The following ZNF503 variants were observed in gnomAD, a reference collection of about 807,000 sequenced individuals.
The protein encoded by ZNF503 is zinc finger protein 503.
Under a neutral mutation model 34.4 loss-of-function variants are expected in ZNF503, and 15 were observed. The ratio of observed to expected loss-of-function variants is 0.44; its 90% CI spans 0.29 to 0.67. The LOEUF is 0.67. Among genes scored for constraint, ZNF503 ranks in the 30% least tolerant of loss-of-function variants. ZNF503 has a pLI of 0.13. For missense variants in ZNF503, 1,007 were observed against 926.8 expected, an observed-to-expected ratio of 1.09 and a Z score of -1.12; for synonymous variants, 580 against 456.8, an observed-to-expected ratio of 1.27 and a Z score of -3.44.
the ZNF503 span, among the ~76,000 whole-genome samples, chr10:75,340,870 G>A: frequency 6.6e-6 from 1 of 152,092 alleles, no homozygotes; most frequent in Admixed American, 6.5e-5. Flanking sequence ...CAAAGTGCTG[G>A]GATTACAGGC....
At chr10:75,401,882 G>A (rs369229080), upstream of ZNF503, 29 of 168,668 alleles carry the variant, frequency 1.7e-4, no homozygotes, top group East Asian at 2.1e-3. Flanking sequence ...GACGCGTCCC[G>A]CGCCGCCGCC....
the ZNF503 span, among the ~76,000 whole-genome samples, chr10:75,355,527 A>G: frequency 3.3e-5 from 5 of 152,138 alleles, no homozygotes; most frequent in Non-Finnish European, 7.4e-5. Flanking sequence ...TAGGAGGGTC[A>G]TGACTGAGTC....
At chr10:75,348,647 G>A in the ZNF503 span, among the ~76,000 whole-genome samples, 1 of 151,440 alleles carries the variant, frequency 6.6e-6, no homozygotes, top group Non-Finnish European at 1.5e-5. Flanking sequence ...CAGCAGCTGG[G>A]ACTACAGGTG....
the ZNF503 span, among the ~76,000 whole-genome samples, chr10:75,333,531 G>A: frequency 6.1e-5 from 4 of 65,984 alleles, no homozygotes; most frequent in Non-Finnish European, 8.9e-5. Context: ...CAGTAGGGGC[G>A]GCCGGGCAGA....
At chr10:75,381,256 C>T in the ZNF503 span, among the ~76,000 whole-genome samples, 2 of 152,144 alleles carry the variant, frequency 1.3e-5, no homozygotes, top group Non-Finnish European at 2.9e-5. Context: ...CAGGGTCTTG[C>T]TCTGTTGTCT....
chr10:75,295,364 G>A, the ZNF503 span, among the ~76,000 whole-genome samples: 15 of 152,160 alleles, frequency 9.9e-5, no homozygotes, highest in African/African-American at 2.4e-5. The surrounding 1 kb of genome is among the most constrained non-coding windows in gnomAD (Gnocchi z 4.0). Flanking sequence ...AGAGGTTGAG[G>A]GGGGGAAAAG....
chr10:75,341,788 A>C, the ZNF503 span, among the ~76,000 whole-genome samples: 1 of 152,196 alleles, frequency 6.6e-6, no homozygotes, highest in East Asian at 1.9e-4. Context: ...TTTTACTGCT[A>C]TTAATGATTT....
chr10:75,325,326 TA>T, the ZNF503 span, among the ~76,000 whole-genome samples: 781 of 112,328 alleles, frequency 7.0e-3, 7 homozygotes, highest in South Asian at 0.034. Context: ...CATATATATA[TA>T]TATTTTTTTT....
the ZNF503 span, among the ~76,000 whole-genome samples, chr10:75,307,068 G>T: frequency 1.3e-5 from 2 of 152,070 alleles, no homozygotes; most frequent in Admixed American, 1.3e-4. Context: ...CCAAGTGAAA[G>T]AAAGAGCCGC....
Position 75,399,336 on chromosome 10 carries a change from C to T in ZNF503, c.1354G>A (p.Ala452Thr), listed in dbSNP as rs766382072. The T allele has an allele frequency of 1.9e-6, 3 of 1,604,928 alleles. No individual in the cohort carries two copies. The highest frequency in any genetic ancestry group is 2.7e-5 in the African/African-American group (2 of 74,792). ...AGAAAASASC[A>T]HDPAAAAAAL... ...GCAGCCGCAGCAGCCGGATCATGTG[C>T]GCAAGAAGCGCTGGCGGCCGCCGCC... The change falls in exon 2 of 2, where the codon GCA (alanine) becomes ACA (threonine). Residue 452 changes from alanine to threonine, a missense_variant. By Grantham distance (58) the Ala-to-Thr change is moderately conservative (BLOSUM62 0). Transcript: ENST00000372524.
chr10:75,397,770 G>T (rs1047653151), downstream of ZNF503: 1 of 152,476 alleles, frequency 6.6e-6, no homozygotes, highest in Non-Finnish European at 1.5e-5. Context: ...GTGAGGCCCC[G>T]GAACCCACTG....
the ZNF503 span, among the ~76,000 whole-genome samples, chr10:75,336,844 G>C: frequency 6.6e-6 from 1 of 152,194 alleles, no homozygotes; most frequent in Non-Finnish European, 1.5e-5. Flanking sequence ...GCCACTCTCA[G>C]ATCCTTCCAT....
At chr10:75,397,212 C>CG (rs1392913073), downstream of ZNF503, among the ~76,000 whole-genome samples, 1 of 32,694 alleles carries the variant, frequency 3.1e-5, no homozygotes, top group Non-Finnish European at 6.8e-5. Flanking sequence ...AAGGAGCGGG[C>CG]GGGTGGGGGT....
the ZNF503 span, among the ~76,000 whole-genome samples, chr10:75,325,839 G>A: frequency 2.0e-5 from 3 of 150,346 alleles, no homozygotes; most frequent in Non-Finnish European, 4.4e-5. Flanking sequence ...CATATTTTGG[G>A]GGTGCTGTTG....
chr10:75,292,231 G>T, the ZNF503 span, among the ~76,000 whole-genome samples: 4 of 152,170 alleles, frequency 2.6e-5, no homozygotes, highest in African/African-American at 9.7e-5. Flanking sequence ...AAAGAGGGTA[G>T]AATCATGTAT....
the ZNF503 span, among the ~76,000 whole-genome samples, chr10:75,284,233 G>C: frequency 2.0e-5 from 3 of 152,110 alleles, no homozygotes; most frequent in Non-Finnish European, 4.4e-5. Context: ...CCAGCCCTAG[G>C]ATCTCTGACA....
the ZNF503 span, among the ~76,000 whole-genome samples, chr10:75,386,423 A>G: frequency 1.3e-5 from 2 of 152,184 alleles, no homozygotes; most frequent in African/African-American, 4.8e-5. Context: ...ACCATTGCAT[A>G]GCCCAATACC....
the ZNF503 span, among the ~76,000 whole-genome samples, chr10:75,353,797 C>T: frequency 1.3e-5 from 2 of 152,268 alleles, no homozygotes; most frequent in African/African-American, 4.8e-5. Flanking sequence ...CCCTTGCTAC[C>T]CCATAAGCTC....
At chr10:75,315,979 T>C in the ZNF503 span, among the ~76,000 whole-genome samples, 1 of 152,298 alleles carries the variant, frequency 6.6e-6, no homozygotes, top group East Asian at 1.9e-4. Context: ...GAGGCAAAGG[T>C]CATTATATAA....
Sources: allele counts gnomAD v4.1 joint callset (sites outside exome capture counted in the v4.1 genomes callset), GRCh38; gene constraint gnomAD v4.1.1; non-coding constraint Gnocchi (gnomAD v3.1); transcripts MANE v1.5; gene names NCBI Gene and HGNC (gene_info 2026-07-23, HGNC 2026-07-21).